Variants in SPIDR observed in about 807,000 individuals in gnomAD.
SPIDR encodes the protein scaffold protein involved in DNA repair, also known as DNA repair-scaffolding protein.
In SPIDR, 93 loss-of-function variants were observed where a neutral mutation model predicts 104.6. The ratio of observed to expected loss-of-function variants is 0.89; its 90% CI spans 0.75 to 1.06. The LOEUF is 1.06. Among genes scored for constraint, SPIDR ranks in the 50% least tolerant of loss-of-function variants. SPIDR has a pLI of 0.00. For synonymous variants in SPIDR, 431 were observed against 416.9 expected (o/e 1.03, Z -0.41); for missense variants, 1,154 against 1,111.2 (o/e 1.04, Z -0.55).
At chr8:47,368,169 T>C (rs1183815317) in intron 5 of SPIDR, among the ~76,000 whole-genome samples, 2 of 151,706 alleles carry the variant, frequency 1.3e-5, no homozygotes, top group African/African-American at 4.8e-5. Flanking sequence ...ATAAGGGCAC[T>C]AATCCCATTC....
chr8:47,343,973 T>TTTA (rs57260811), intron 5 of SPIDR, among the ~76,000 whole-genome samples: 2 of 151,822 alleles, frequency 1.3e-5, no homozygotes, highest in South Asian at 2.1e-4. Flanking sequence ...TCTTTTTTTT[T>TTTA]TTATTATTAT....
At chr8:47,537,849 T>C (rs146757930) in intron 8 of SPIDR, among the ~76,000 whole-genome samples, 1 of 152,168 alleles carries the variant, frequency 6.6e-6, no homozygotes, top group Non-Finnish European at 1.5e-5. Flanking sequence ...AACCTAAAGC[T>C]ACTCTAAAAA....
intron 8 of SPIDR, among the ~76,000 whole-genome samples, chr8:47,483,583 A>G (rs180741571): frequency 5.4e-4 from 83 of 152,314 alleles, no homozygotes; most frequent in African/African-American, 1.8e-3. Context: ...GGAGGTGACT[A>G]AGAAGCTGAA....
At position 47,411,293 on chromosome 8, in the gene SPIDR, C is replaced by T. The variant is rs528617633; in HGVS notation, c.877+3332C>T. 2.8e-3 allele frequency among the ~76,000 whole-genome samples: 419 copies of T among 152,292 alleles called. 1 individual carries two copies. The highest frequency in any genetic ancestry group is 9.8e-3 in the African/African-American group (409 of 41,564). On this transcript the variant is annotated intron_variant, in intron 7 of 19. Transcript: ENST00000297423. ...TCCCACCAACAGTGTAAAAGTGTTC[C>T]TATTTCTTCACATCCTCTCCAGCAC...
chr8:47,503,059 A>G (rs1017499061), intron 8 of SPIDR, among the ~76,000 whole-genome samples: 1 of 152,156 alleles, frequency 6.6e-6, no homozygotes, highest in African/African-American at 2.4e-5. Context: ...ACTTCCAACT[A>G]TGTGGTCAGT....
intron 8 of SPIDR, among the ~76,000 whole-genome samples, chr8:47,566,576 G>A (rs2057881478): frequency 1.3e-5 from 2 of 151,634 alleles, no homozygotes; most frequent in South Asian, 4.2e-4. Flanking sequence ...ACTCTATCTG[G>A]AAGCACTGTT....
At chr8:47,420,864 T>C (rs938885899) in intron 7 of SPIDR, among the ~76,000 whole-genome samples, 1 of 152,228 alleles carries the variant, frequency 6.6e-6, no homozygotes, top group Non-Finnish European at 1.5e-5. Context: ...CTCCTTCACT[T>C]ATGAAGCTTA....
chr8:47,687,275 C>T (rs1245077557), intron 11 of SPIDR, among the ~76,000 whole-genome samples: 1 of 151,860 alleles, frequency 6.6e-6, no homozygotes. Context: ...ATTATAACAA[C>T]AATTTAATAA....
intron 10 of SPIDR, among the ~76,000 whole-genome samples, chr8:47,630,371 A>C (rs2066870832): frequency 6.6e-6 from 1 of 152,212 alleles, no homozygotes; most frequent in Non-Finnish European, 1.5e-5. Flanking sequence ...TCAAAAGCTC[A>C]AAATTCCGGT....
intron 5 of SPIDR, among the ~76,000 whole-genome samples, chr8:47,395,465 A>G (rs782287662): frequency 6.6e-6 from 1 of 152,222 alleles, no homozygotes; most frequent in Non-Finnish European, 1.5e-5. Flanking sequence ...TAGGTAGTGA[A>G]TTAGATGGGA....
At chr8:47,583,642 T>C (rs1459286554) in intron 8 of SPIDR, among the ~76,000 whole-genome samples, 1 of 152,202 alleles carries the variant, frequency 6.6e-6, no homozygotes, top group African/African-American at 2.4e-5. Context: ...ACTATAGATA[T>C]GAATGTTTAA....
chr8:47,547,378 A>G (rs536150432), intron 8 of SPIDR: 106 of 354,336 alleles, frequency 3.0e-4, no homozygotes, highest in Admixed American at 8.1e-4. Flanking sequence ...GTTGCCATCA[A>G]TCTTAATGAA....
At position 47,364,312 on chromosome 8, in the gene SPIDR, T is replaced by C. The variant is rs576203685; in HGVS notation, c.526-32064T>C. Among the ~76,000 whole-genome samples, 353 of 152,318 alleles carry C rather than the reference T, an allele frequency of 2.3e-3. 1 individual carries two copies. The highest frequency in any genetic ancestry group is 6.4e-3 in the African/African-American group (265 of 41,560). On this transcript the variant is annotated intron_variant, in intron 5 of 19. Coordinates refer to ENST00000297423, the MANE Select transcript of SPIDR (RefSeq NM_001080394.4). ...GTTCCTTTGGTCCCTTCTGTGTCCT[T>C]GACCTGTATTCTGCAGCTGGAGCCT...
At chr8:47,381,456 A>G (rs2154300435) in intron 5 of SPIDR, among the ~76,000 whole-genome samples, 1 of 152,288 alleles carries the variant, frequency 6.6e-6, no homozygotes, top group Non-Finnish European at 1.5e-5. Context: ...TATGGGATTT[A>G]AAAGCTTCTA....
At chr8:47,684,089 T>G (rs2077434104) in intron 11 of SPIDR, among the ~76,000 whole-genome samples, 2 of 126,376 alleles carry the variant, frequency 1.6e-5, no homozygotes, top group Admixed American at 2.1e-4. Flanking sequence ...ATCACACCAC[T>G]GCACTCCAGC....
intron 5 of SPIDR, among the ~76,000 whole-genome samples, chr8:47,334,691 C>T (rs979001851): frequency 3.3e-5 from 5 of 152,012 alleles, no homozygotes; most frequent in Non-Finnish European, 5.9e-5. Context: ...ATGCAGTTGG[C>T]TCTTGTTTTT....
chr8:47,261,479 G>A (rs2032292361), intron 1 of SPIDR, among the ~76,000 whole-genome samples: 1 of 152,234 alleles, frequency 6.6e-6, no homozygotes, highest in African/African-American at 2.4e-5. Flanking sequence ...TTCCAGAACG[G>A]GAGCGGGTGC....
At chr8:47,590,779 A>G (rs562954555) in intron 8 of SPIDR, among the ~76,000 whole-genome samples, 7 of 152,226 alleles carry the variant, frequency 4.6e-5, no homozygotes, top group South Asian at 2.1e-4. Context: ...GGATTTGTCT[A>G]TTCTTTGAGT....
intron 8 of SPIDR, among the ~76,000 whole-genome samples, chr8:47,512,937 C>T (rs950441943): frequency 2.0e-5 from 3 of 152,092 alleles, no homozygotes; most frequent in African/African-American, 7.2e-5. Flanking sequence ...TATGGAAAAA[C>T]GACTTCTTGT....
Sources: gnomAD v4.1 joint callset for allele counts (sites outside exome capture counted in the v4.1 genomes callset) on GRCh38, gnomAD v4.1.1 for gene constraint, MANE v1.5 for transcripts, NCBI Gene and HGNC (gene_info 2026-07-23, HGNC 2026-07-21) for gene names.